ELMOD2: variants seen among roughly 807,000 people sequenced by gnomAD.
ELMOD2 encodes ELMO domain containing 2.
In ELMOD2, 28 loss-of-function variants were observed where a neutral mutation model predicts 41.0. The ratio of observed to expected loss-of-function variants is 0.68; its 90% confidence interval spans 0.51 to 0.94. The LOEUF (loss-of-function observed/expected upper bound fraction) is 0.94. Ranked by LOEUF, ELMOD2 falls within the 40% of genes least tolerant of loss-of-function variation. The pLI is 0.00. For missense variants in ELMOD2, 333 were observed against 343.1 expected, an observed-to-expected ratio of 0.97 and a Z score of 0.23; for synonymous variants, 106 against 107.2, an observed-to-expected ratio of 0.99 and a Z score of 0.07.
At chr4:140,527,880 A>G in intron 3 of ELMOD2, 1 of 167,968 alleles carries the variant, frequency 6.0e-6, no homozygotes, top group Non-Finnish European at 1.3e-5. Flanking sequence ...AAAATAAGTC[A>G]TAATTCATGC....
At chr4:140,539,937 T>G (rs1028424834) in intron 5 of ELMOD2, among the ~76,000 whole-genome samples, 14 of 152,172 alleles carry the variant, frequency 9.2e-5, no homozygotes, top group African/African-American at 3.4e-4. Context: ...AATAAAGACA[T>G]CTCATTGTTT....
intron 4 of ELMOD2, among the ~76,000 whole-genome samples, chr4:140,536,198 T>C (rs1411108122): frequency 6.6e-6 from 1 of 152,212 alleles, no homozygotes; most frequent in Non-Finnish European, 1.5e-5. Flanking sequence ...TGCATTGCTG[T>C]GGCATCTCAT....
chr4:140,536,158 T>G (rs1447335321), intron 4 of ELMOD2, among the ~76,000 whole-genome samples: 19 of 152,290 alleles, frequency 1.2e-4, no homozygotes, highest in East Asian at 3.9e-4. Flanking sequence ...TCTAGTAAGG[T>G]CCTACCAGGC....
chr4:140,542,686 A>G (rs771359760), intron 7 of ELMOD2, 44 bp downstream of exon 7: 8 of 1,378,138 alleles, frequency 5.8e-6, no homozygotes, highest in Non-Finnish European at 8.1e-6. Context: ...TTGCATTTAT[A>G]ATGATTAGAT....
At chr4:140,542,665 G>A (rs1315876602) in intron 7 of ELMOD2, 23 bp downstream of exon 7, 3 of 1,534,422 alleles carry the variant, frequency 2.0e-6, no homozygotes, top group Non-Finnish European at 2.7e-6. Flanking sequence ...TATTAAAGAA[G>A]CCGTAATCTC....
chr4:140,548,828 G>A (rs1735375493), intron 8 of ELMOD2, among the ~76,000 whole-genome samples: 1 of 151,952 alleles, frequency 6.6e-6, no homozygotes, highest in Non-Finnish European at 1.5e-5. Flanking sequence ...AGTAGGACTG[G>A]GGTGGTTTTA....
intron 3 of ELMOD2, 195 bp downstream of exon 3, chr4:140,527,689 C>T: frequency 1.9e-6 from 1 of 525,092 alleles, no homozygotes; most frequent in South Asian, 2.9e-5. Flanking sequence ...AAAGAAAATA[C>T]TTGAATAATT....
intron 8 of ELMOD2, among the ~76,000 whole-genome samples, chr4:140,547,493 G>T (rs914310720): frequency 6.6e-6 from 1 of 151,678 alleles, no homozygotes; most frequent in Non-Finnish European, 1.5e-5. Flanking sequence ...AGTTTTGTAG[G>T]GCCAAAATTT....
rs1735500822 is a variant in ELMOD2, at chr4:140,552,802, A to C, written c.*2427A>C. The C allele has an allele frequency of 6.6e-6, 1 of 152,122 alleles. No individual in the cohort carries two copies. Among genetic ancestry groups the C allele is most frequent in the Non-Finnish European group, 1.5e-5 (1 of 67,972 alleles). 9.4% of individuals were successfully genotyped at this position (152,122 alleles called of 1,614,324 possible). ...TGAATTTTTGTATGTGCCAGGTTGA[A>C]GAGAGTGTGCCAGTGACAGGAAGTA... On this transcript the variant is annotated 3_prime_UTR_variant, in exon 9 of 9. Transcript: ENST00000323570.
chr4:140,539,021 G>A (rs1413904638), intron 5 of ELMOD2, among the ~76,000 whole-genome samples: 3 of 152,176 alleles, frequency 2.0e-5, no homozygotes, highest in African/African-American at 7.2e-5. Flanking sequence ...AGTCACAGGT[G>A]TTGATAATAA....
At chr4:140,542,750 A>G (rs1735150080) in intron 7 of ELMOD2, 108 bp downstream of exon 7, 2 of 886,532 alleles carry the variant, frequency 2.3e-6, no homozygotes, top group Non-Finnish European at 3.3e-6. Flanking sequence ...AAGTATTTTA[A>G]TAAGAACTTT....
chr4:140,542,860 T>C (rs1735153541), intron 7 of ELMOD2, among the ~76,000 whole-genome samples: 1 of 151,944 alleles, frequency 6.6e-6, no homozygotes, highest in Non-Finnish European at 1.5e-5. Context: ...ATATAGTTTA[T>C]CTATACAATG....
chr4:140,550,483 C>T lies in ELMOD2; in HGVS notation c.*108C>T. 2 of 1,148,358 alleles carry T rather than the reference C, an allele frequency of 1.7e-6. No homozygotes were observed. Among genetic ancestry groups the T allele is most frequent in the Non-Finnish European group, 2.4e-6 (2 of 847,212 alleles). The allele number at this position is 1,148,358 out of a possible 1,614,324, so 71.1% of individuals were successfully genotyped here. A position where few individuals can be genotyped will look rare whatever the true frequency, so the allele number is the denominator to read the frequency against. ...TTACACTCTTATATATAATTTCCTA[C>T]AAAAATATTTCAGAAATTCTATTTA... On this transcript the variant is annotated 3_prime_UTR_variant, in exon 9 of 9. Transcript: ENST00000323570.
At chr4:140,548,244 G>A (rs1735355339) in intron 8 of ELMOD2, among the ~76,000 whole-genome samples, 1 of 152,074 alleles carries the variant, frequency 6.6e-6, no homozygotes, top group Non-Finnish European at 1.5e-5. Context: ...GAAACAAATG[G>A]TATGGCCATA....
intron 6 of ELMOD2, among the ~76,000 whole-genome samples, chr4:140,540,755 A>G (rs1004582793): frequency 6.6e-6 from 1 of 152,104 alleles, no homozygotes; most frequent in Non-Finnish European, 1.5e-5. Context: ...AAAAAAAAAA[A>G]AAAAAGACAT....
chr4:140,537,196 A>G (rs1380312517), intron 4 of ELMOD2, among the ~76,000 whole-genome samples: 1 of 152,122 alleles, frequency 6.6e-6, no homozygotes, highest in African/African-American at 2.4e-5. Flanking sequence ...ACAGTTGTGA[A>G]GTTTGCCATT....
At chr4:140,535,473 A>G (rs1430192318) in intron 3 of ELMOD2, 2 of 325,220 alleles carry the variant, frequency 6.1e-6, no homozygotes, top group African/African-American at 4.4e-5. Flanking sequence ...TCATTTGCTG[A>G]GAACTCATCA....
chr4:140,528,324 T>C lies in ELMOD2; in HGVS notation c.171+830T>C, dbSNP rs902044341. Among the ~76,000 whole-genome samples the C allele has an allele frequency of 3.9e-5, 6 of 152,180 alleles. No individual in the cohort carries two copies. In the East Asian group the frequency reaches 1.2e-3, roughly 29 times the overall value. On this transcript the variant is annotated intron_variant, in intron 3 of 8. Transcript: ENST00000323570. Reference sequence around the variant, plus strand: ...CTACCACATGCTGTTACTTCCCTATTGTAGTTCACAATTTTGTCTACATGT... The same window carrying C: ...CTACCACATGCTGTTACTTCCCTATCGTAGTTCACAATTTTGTCTACATGT...
intron 3 of ELMOD2, among the ~76,000 whole-genome samples, chr4:140,533,812 A>G (rs1734824175): frequency 6.6e-6 from 1 of 152,080 alleles, no homozygotes; most frequent in South Asian, 2.1e-4. Context: ...GTCACATGAC[A>G]AAAGTGTATA....
Sources: allele counts gnomAD v4.1 joint callset (sites outside exome capture counted in the v4.1 genomes callset), GRCh38; gene constraint gnomAD v4.1.1; transcripts MANE v1.5; gene names NCBI Gene and HGNC (gene_info 2026-07-23, HGNC 2026-07-21).